TLK2: variants seen among roughly 807,000 people sequenced by gnomAD.
The protein encoded by TLK2 is serine/threonine-protein kinase tousled-like 2.
Under a neutral mutation model 117.3 loss-of-function variants are expected in TLK2, and 6 were observed. That is an observed-to-expected ratio of 0.05 (90% CI 0.03 to 0.10). The LOEUF (loss-of-function observed/expected upper bound fraction) is 0.10. Ranked by LOEUF, TLK2 falls within the 10% of genes least tolerant of loss-of-function variation. The pLI, the probability that TLK2 is intolerant of heterozygous loss-of-function variation, is 1.00. For synonymous variants in TLK2, 257 were observed against 316.7 expected (o/e 0.81, Z 2.00); for missense variants, 299 against 901.2 (o/e 0.33, Z 8.56).
chr17:62,500,576 A>C (rs1180721167), intron 2 of TLK2, among the ~76,000 whole-genome samples: 1 of 152,228 alleles, frequency 6.6e-6, no homozygotes, highest in African/African-American at 2.4e-5. Context: ...ACAAGCAGGC[A>C]AAAAATCAGT....
intron 16 of TLK2, among the ~76,000 whole-genome samples, chr17:62,593,791 ATT>A (rs1387305200): frequency 6.7e-5 from 9 of 134,724 alleles, no homozygotes; most frequent in Admixed American, 7.6e-5. Flanking sequence ...TACACTCTAA[ATT>A]TTTTTTTTTT....
chr17:62,610,381 G>A (rs911001918), intron 21 of TLK2, among the ~76,000 whole-genome samples: 1 of 152,190 alleles, frequency 6.6e-6, no homozygotes, highest in Non-Finnish European at 1.5e-5. Context: ...CGAATATGTA[G>A]CAGTGAACTC....
At chr17:62,508,883 G>A (rs1051019235) in intron 2 of TLK2, among the ~76,000 whole-genome samples, 2 of 152,074 alleles carry the variant, frequency 1.3e-5, no homozygotes, top group East Asian at 1.9e-4. Flanking sequence ...CACAAGAATC[G>A]CTTGAACCCG....
At chr17:62,522,143 G>A (rs2076087437) in intron 3 of TLK2, 61 bp from the exon 4 acceptor site, 2 of 1,571,834 alleles carry the variant, frequency 1.3e-6, no homozygotes, top group Admixed American at 1.8e-5. Context: ...TATACTCGCT[G>A]TTTTTCCTAA....
rs1057346460 is a variant in TLK2, at chr17:62,531,274, G to T, written c.364-4896G>T. On this transcript the variant is annotated intron_variant, in intron 6 of 21. Coordinates refer to ENST00000346027, the MANE Select transcript of TLK2 (RefSeq NM_006852.6). ...GGCTTTTGACTTTTTTTGTATTTTT[G>T]TTCTTCTTGTCTTTATATACTCCAT... Among the ~76,000 whole-genome samples, 6 of 139,696 alleles carry T rather than the reference G, an allele frequency of 4.3e-5. No homozygotes were observed. The South Asian group carries it at 1.4e-3, about 32-fold the overall frequency. 91.6% of individuals were successfully genotyped at this position (139,696 alleles called of 152,430 possible).
intron 16 of TLK2, among the ~76,000 whole-genome samples, chr17:62,593,573 A>G (rs561731291): frequency 5.5e-4 from 83 of 151,986 alleles, no homozygotes; most frequent in African/African-American, 1.8e-3. Flanking sequence ...AAGGCACACA[A>G]CTCATTAGCC....
chr17:62,526,794 T>C (rs1213268426), intron 6 of TLK2, among the ~76,000 whole-genome samples: 1 of 152,254 alleles, frequency 6.6e-6, no homozygotes, highest in Admixed American at 6.5e-5. Flanking sequence ...TATATTAGAA[T>C]ATGACCACTT....
intron 9 of TLK2, among the ~76,000 whole-genome samples, chr17:62,559,153 G>A (rs908354959): frequency 2.0e-5 from 3 of 152,112 alleles, no homozygotes; most frequent in African/African-American, 7.2e-5. Context: ...TAAATTAGCT[G>A]TATATTTACA....
At chr17:62,490,623 C>T (rs959156015) in intron 2 of TLK2, among the ~76,000 whole-genome samples, 1 of 152,110 alleles carries the variant, frequency 6.6e-6, no homozygotes, top group Non-Finnish European at 1.5e-5. Flanking sequence ...CTCACTGCAA[C>T]CTCCACCTCC....
rs185532730 is a variant in TLK2 at position 62,564,857 on chromosome 17, C to T, written c.832-144C>T. Reference sequence around the variant, plus strand: ...GTTTGAATAGGAATAGTTAGTCATCCGAGGAGTCATTACTGACTGTTCTGA... The same window carrying T: ...GTTTGAATAGGAATAGTTAGTCATCTGAGGAGTCATTACTGACTGTTCTGA... On this transcript the variant is annotated intron_variant, in intron 10 of 21. Coordinates refer to ENST00000346027, the MANE Select transcript of TLK2 (RefSeq NM_006852.6). 2,900 of 986,966 alleles carry T rather than the reference C, an allele frequency of 2.9e-3. 7 individuals carry two copies. The highest frequency in any genetic ancestry group is 4.0e-3 in the Middle Eastern group (12 of 2,970). The allele number at this position is 986,966 out of a possible 1,614,324, so 61.1% of individuals were successfully genotyped here.
chr17:62,533,368 GT>G (rs2076874347), intron 6 of TLK2, among the ~76,000 whole-genome samples: 4 of 53,184 alleles, frequency 7.5e-5, no homozygotes, highest in Non-Finnish European at 4.5e-5. Flanking sequence ...CCTATACGGG[GT>G]GTGTGTGTGT....
At chr17:62,549,035 A>C (rs2078177529) in intron 7 of TLK2, among the ~76,000 whole-genome samples, 1 of 149,128 alleles carries the variant, frequency 6.7e-6, no homozygotes, top group South Asian at 2.2e-4. Flanking sequence ...CACTGCACCC[A>C]GTCTAATCAT....
intron 2 of TLK2, among the ~76,000 whole-genome samples, chr17:62,505,139 C>G (rs542995795): frequency 1.3e-5 from 2 of 151,922 alleles, no homozygotes; most frequent in Admixed American, 1.3e-4. Flanking sequence ...TCTGCCTGGC[C>G]GTGATTTTAT....
intron 6 of TLK2, among the ~76,000 whole-genome samples, chr17:62,530,801 ACT>A (rs2076690217): frequency 1.3e-5 from 2 of 151,968 alleles, no homozygotes; most frequent in South Asian, 2.1e-4. Context: ...CTAGAGATTA[ACT>A]CTCTAGGTTT....
intron 21 of TLK2, among the ~76,000 whole-genome samples, chr17:62,609,703 A>T (rs549808513): frequency 1.3e-5 from 2 of 151,578 alleles, no homozygotes; most frequent in African/African-American, 4.8e-5. Flanking sequence ...AAGCCTGGTT[A>T]ACCTAATTTT....
At position 62,600,678 on chromosome 17, in the gene TLK2, G is replaced by A; in HGVS notation, c.1578G>A (p.Glu526=). Residue 526 remains glutamate (E), a synonymous_variant, in exon 18 of 22, where the codon GAG becomes GAA. Transcript: ENST00000346027. ...TTTGTACAGTATTAGAATACTGTGA[G>A]GGAAATGATCTGGACTTCTACCTGA... ...DSFCTVLEYC[E]GNDLDFYLKQ... 8 of 1,610,848 alleles carry A rather than the reference G, an allele frequency of 5.0e-6. No homozygotes were observed. The highest frequency in any genetic ancestry group is 5.9e-6 in the Non-Finnish European group (7 of 1,179,510).
Position 62,583,141 on chromosome 17 carries a change from G to C in TLK2, c.1368+2949G>C, listed in dbSNP as rs2081336826. ...GAGTCTTGCTCTGTCGCCCAGGCTG[G>C]AGTGCAGTGGTGCAATCTCGGCTCA... On this transcript the variant is annotated intron_variant, in intron 15 of 21. Coordinates refer to ENST00000346027, the MANE Select transcript of TLK2 (RefSeq NM_006852.6). 2.0e-5 allele frequency among the ~76,000 whole-genome samples: 3 copies of C among 152,138 alleles called. No homozygotes were observed. The South Asian group carries it at 6.2e-4, about 32-fold the overall frequency.
At chr17:62,556,794 G>C (rs1410093718) in intron 9 of TLK2, among the ~76,000 whole-genome samples, 1 of 152,066 alleles carries the variant, frequency 6.6e-6, no homozygotes, top group Non-Finnish European at 1.5e-5. Flanking sequence ...TTGAATCTCT[G>C]ATTTCTCTCC....
chr17:62,579,617 C>T (rs1484584967), intron 14 of TLK2, among the ~76,000 whole-genome samples: 1 of 152,116 alleles, frequency 6.6e-6, no homozygotes, highest in East Asian at 1.9e-4. Context: ...ATGGGGAACA[C>T]AGTTATATCT....
Sources: allele counts gnomAD v4.1 joint callset (sites outside exome capture counted in the v4.1 genomes callset), GRCh38; gene constraint gnomAD v4.1.1; transcripts MANE v1.5; gene names NCBI Gene and HGNC (gene_info 2026-07-23, HGNC 2026-07-21).